Variants in DNAH14 observed in about 807,000 individuals in gnomAD.
The protein encoded by DNAH14 is axonemal beta dynein heavy chain 14.
A neutral mutation model predicts 520.9 loss-of-function variants in DNAH14; 478 were observed. That is an observed-to-expected ratio of 0.92 (90% CI 0.85 to 0.99). The LOEUF (loss-of-function observed/expected upper bound fraction) is 0.99. Ranked by LOEUF, DNAH14 falls within the 50% of genes least tolerant of loss-of-function variation. DNAH14 has a pLI of 0.00. For synonymous variants in DNAH14, 1,581 were observed against 1,757.2 expected (o/e 0.90, Z 2.51); for missense variants, 4,831 against 5,234.5 (o/e 0.92, Z 2.38).
intron 17 of DNAH14, among the ~76,000 whole-genome samples, chr1:225,071,274 G>A (rs2071512762): frequency 1.3e-5 from 2 of 152,112 alleles, no homozygotes; most frequent in African/African-American, 4.8e-5. Flanking sequence ...GCCATATAGT[G>A]TCACTGGTCT....
chr1:225,391,409 C>T (rs2150848812), intron 83 of DNAH14, among the ~76,000 whole-genome samples: 1 of 152,240 alleles, frequency 6.6e-6, no homozygotes, highest in East Asian at 1.9e-4. Flanking sequence ...GAGGTCGAGG[C>T]TGCAGTGAGC....
At chr1:225,325,954 A>G (rs2094656537) in intron 64 of DNAH14, among the ~76,000 whole-genome samples, 1 of 152,164 alleles carries the variant, frequency 6.6e-6, no homozygotes, top group African/African-American at 2.4e-5. Context: ...GAGATATATT[A>G]AAAAGGACTG....
At chr1:225,057,539 G>A (rs1343553579) in intron 17 of DNAH14, among the ~76,000 whole-genome samples, 2 of 152,072 alleles carry the variant, frequency 1.3e-5, no homozygotes, top group African/African-American at 4.8e-5. Context: ...TTGCCTGACT[G>A]CCCTGGCCAG....
intron 35 of DNAH14, among the ~76,000 whole-genome samples, chr1:225,162,365 G>A (rs1042968601): frequency 4.6e-5 from 7 of 152,034 alleles, no homozygotes; most frequent in African/African-American, 1.7e-4. Flanking sequence ...TGGTCTGTGT[G>A]TCTATTTTCT....
chr1:224,936,607 C>T (rs1028985802), intron 1 of DNAH14, among the ~76,000 whole-genome samples: 16 of 151,838 alleles, frequency 1.1e-4, no homozygotes, highest in African/African-American at 3.6e-4. Flanking sequence ...AGCCTGGGAC[C>T]TGATGCCTTC....
In DNAH14 at chr1:225,300,886, T is replaced by C. The variant is rs752123631; in HGVS notation, c.8487T>C (p.Asp2829=). ...TGCCTAAGGACTCATTTTTAGAAGA[T>C]TTGAACTACATCATCAGTTCAGGAA... ...LNIEQDSFLE[D]LNYIISSGRI... Residue 2829 remains aspartate, a synonymous_variant, in exon 56 of 86, where the codon GAT becomes GAC. Coordinates refer to ENST00000682510, the MANE Select transcript of DNAH14 (RefSeq NM_001367479.1). 7.5e-5 allele frequency: 116 copies of C among 1,550,578 alleles called. No individual in the cohort carries two copies. Among genetic ancestry groups the C allele is most frequent in the Non-Finnish European group, 9.6e-5 (110 of 1,146,752 alleles).
At chr1:225,181,778 G>A (rs12068193) in intron 36 of DNAH14, among the ~76,000 whole-genome samples, 23,400 of 151,934 alleles carry the variant, frequency 0.15, 2,082 homozygotes, top group East Asian at 0.36. Flanking sequence ...TCTTCTCCCC[G>A]CTGTTTATTT....
intron 27 of DNAH14, among the ~76,000 whole-genome samples, chr1:225,130,626 C>T (rs1274044768): frequency 7.7e-6 from 1 of 129,330 alleles, no homozygotes; most frequent in African/African-American, 3.0e-5. Context: ...ACAATGAGAA[C>T]ACATGGACAC....
At chr1:225,226,724 G>A (rs1055981472) in intron 41 of DNAH14, among the ~76,000 whole-genome samples, 5 of 152,148 alleles carry the variant, frequency 3.3e-5, no homozygotes, top group Admixed American at 6.6e-5. Flanking sequence ...GGGGACCGGC[G>A]CTCAGCAAGT....
At chr1:225,247,913 G>A (rs2149685507) in intron 43 of DNAH14, among the ~76,000 whole-genome samples, 1 of 152,248 alleles carries the variant, frequency 6.6e-6, no homozygotes, top group Non-Finnish European at 1.5e-5. Context: ...CAGCTACTGG[G>A]GAGGCTGAGG....
intron 38 of DNAH14, among the ~76,000 whole-genome samples, chr1:225,199,074 G>T (rs1340842626): frequency 6.6e-6 from 1 of 152,086 alleles, no homozygotes; most frequent in Non-Finnish European, 1.5e-5. Context: ...AGCTAAGAGG[G>T]TTGTGTCTTT....
chr1:225,049,603 G>C (rs73131794), intron 15 of DNAH14, among the ~76,000 whole-genome samples: 1,992 of 152,094 alleles, frequency 0.013, 38 homozygotes, highest in African/African-American at 0.045. Context: ...TTGTTTCTAA[G>C]AGCTTTTTGC....
chr1:225,043,906 AT>A lies in DNAH14; in HGVS notation c.1836del (p.Leu613SerfsTer3). 6.5e-7 allele frequency: 1 copy of A among 1,527,488 alleles called. No individual in the cohort carries two copies. Among genetic ancestry groups the A allele is most frequent in the Non-Finnish European group, 8.8e-7 (1 of 1,129,972 alleles). 94.6% of individuals were successfully genotyped at this position (1,527,488 alleles called of 1,614,324 possible). On this transcript the variant is annotated frameshift_variant, in exon 15 of 86. Transcript: ENST00000682510. LOFTEE classifies it high-confidence loss of function. ...GTTAGATTTCCAGAATTTCCTACAAATCTCTTTATAGATCCCAACAGATTGG... is the reference window on the plus strand; with the variant it reads ...GTTAGATTTCCAGAATTTCCTACAAACTCTTTATAGATCCCAACAGATTGG... ...MYYEFPEFPT[N>X]LFIDPNRLEF...
chr1:225,225,213 G>A (rs1480037262), intron 41 of DNAH14, among the ~76,000 whole-genome samples: 9 of 152,072 alleles, frequency 5.9e-5, no homozygotes, highest in Non-Finnish European at 1.2e-4. Flanking sequence ...CCTTCAACAG[G>A]TGTTAACCCT....
At chr1:225,032,461 TTTC>T (rs2148118516) in intron 11 of DNAH14, among the ~76,000 whole-genome samples, 1 of 152,254 alleles carries the variant, frequency 6.6e-6, no homozygotes, top group Admixed American at 6.5e-5. Flanking sequence ...TGTACCACAT[TTTC>T]TTTATCCAGT....
chr1:225,195,520 A>G (rs1490592777), intron 38 of DNAH14, among the ~76,000 whole-genome samples: 1 of 151,964 alleles, frequency 6.6e-6, no homozygotes, highest in Non-Finnish European at 1.5e-5. Flanking sequence ...GGATGGGAGG[A>G]TGGAGAGGAT....
chr1:225,188,490 A>C (rs1043640479), intron 37 of DNAH14, among the ~76,000 whole-genome samples: 5 of 151,964 alleles, frequency 3.3e-5, no homozygotes, highest in African/African-American at 1.2e-4. Flanking sequence ...ACAAGTATGT[A>C]TCTATAGGGA....
intron 5 of DNAH14, among the ~76,000 whole-genome samples, chr1:224,964,979 A>G (rs923611124): frequency 2.6e-5 from 4 of 152,066 alleles, no homozygotes; most frequent in Non-Finnish European, 5.9e-5. Flanking sequence ...GTAATGTAAC[A>G]TTCTGTTCTT....
At chr1:225,206,695 A>G (rs1442172812) in intron 40 of DNAH14, among the ~76,000 whole-genome samples, 1 of 152,214 alleles carries the variant, frequency 6.6e-6, no homozygotes, top group Non-Finnish European at 1.5e-5. Flanking sequence ...CTTCTGGGTA[A>G]GCAGTACCCC....
Sources: gnomAD v4.1 joint callset for allele counts (sites outside exome capture counted in the v4.1 genomes callset) on GRCh38, gnomAD v4.1.1 for gene constraint, MANE v1.5 for transcripts, NCBI Gene and HGNC (gene_info 2026-07-23, HGNC 2026-07-21) for gene names.